The following MAGI2 variants were observed in gnomAD, a reference collection of about 807,000 sequenced individuals.
MAGI2 encodes membrane-associated guanylate kinase, WW and PDZ domain-containing protein 2.
MAGI2 carries 35 observed loss-of-function variants against 133.3 expected under a neutral mutation model. The ratio of observed to expected loss-of-function variants is 0.26; its 90% CI spans 0.20 to 0.35. The LOEUF is 0.35. Among genes scored for constraint, MAGI2 ranks in the 10% least tolerant of loss-of-function variants. MAGI2 has a pLI of 1.00. For synonymous variants in MAGI2, 729 were observed against 710.6 expected, an observed-to-expected ratio of 1.03 and a Z score of -0.41; for missense variants, 1,636 against 1,863.4, an observed-to-expected ratio of 0.88 and a Z score of 2.25.
At chr7:78,182,328 T>C (rs965026923) in intron 13 of MAGI2, among the ~76,000 whole-genome samples, 2 of 152,198 alleles carry the variant, frequency 1.3e-5, no homozygotes, top group Non-Finnish European at 2.9e-5. Context: ...GTTGCTCAAA[T>C]CTAACATTAC....
chr7:78,839,081 G>A (rs779317335), intron 2 of MAGI2, among the ~76,000 whole-genome samples: 3 of 151,990 alleles, frequency 2.0e-5, no homozygotes, highest in Non-Finnish European at 4.4e-5. Flanking sequence ...AAGGGATTTA[G>A]TGAGGGTGGA....
intron 2 of MAGI2, among the ~76,000 whole-genome samples, chr7:78,630,099 CCTTT>C (rs1808795073): frequency 1.3e-5 from 2 of 151,946 alleles, no homozygotes; most frequent in African/African-American, 2.4e-5. Flanking sequence ...CCCTGGAAGC[CCTTT>C]CTTTTTATCC....
intron 2 of MAGI2, among the ~76,000 whole-genome samples, chr7:78,818,996 A>G (rs1789848673): frequency 6.6e-6 from 1 of 152,122 alleles, no homozygotes; most frequent in African/African-American, 2.4e-5. Context: ...AATTTTTCAA[A>G]TGAGATATGG....
intron 14 of MAGI2, among the ~76,000 whole-genome samples, chr7:78,173,283 G>T (rs568416926): frequency 6.6e-5 from 10 of 152,342 alleles, no homozygotes. Context: ...ATTTCGTACA[G>T]GACATCTTCC....
At chr7:79,136,044 AGAAGGAAAGAAAGAAAGAAAGAAG>A (rs1821462713) in intron 1 of MAGI2, among the ~76,000 whole-genome samples, 1 of 136,896 alleles carries the variant, frequency 7.3e-6, no homozygotes, top group African/African-American at 3.2e-5. Context: ...AAAGAAAGAA[AGAAGGAAAGAAAGAAAGAAAGAAG>A]GAAAGAAAGA....
intron 1 of MAGI2, among the ~76,000 whole-genome samples, chr7:79,080,336 C>T (rs1407258796): frequency 6.6e-6 from 1 of 152,086 alleles, no homozygotes; most frequent in Non-Finnish European, 1.5e-5. Context: ...CTGGGCAGCT[C>T]ACTGTGTTTT....
rs770811514 is a variant in MAGI2, at chr7:78,256,593, AAAG to A, written c.1409-15_1409-13del. The A allele has an allele frequency of 3.1e-6, 5 of 1,602,778 alleles. No individual in the cohort carries two copies. The highest frequency in any genetic ancestry group is 2.3e-5 in the South Asian group (2 of 88,764). ...GACAATGACATCACCTGTAAGAAAA[AAAG>A]AGATTGACAACATGAGGTAAGTTCA... On this transcript the variant is annotated splice_polypyrimidine_tract_variant and intron_variant, in intron 9 of 21. Coordinates refer to ENST00000354212, the MANE Select transcript of MAGI2 (RefSeq NM_012301.4).
intron 3 of MAGI2, among the ~76,000 whole-genome samples, chr7:78,564,210 G>C (rs1414521429): frequency 6.6e-6 from 1 of 152,178 alleles, no homozygotes. Flanking sequence ...CTTCTGGGGA[G>C]TGAGGCTAGG....
At chr7:78,408,220 T>C (rs1797562654) in intron 6 of MAGI2, among the ~76,000 whole-genome samples, 1 of 152,002 alleles carries the variant, frequency 6.6e-6, no homozygotes, top group African/African-American at 2.4e-5. Flanking sequence ...CATTGTGGAG[T>C]GGCTAAATCG....
At chr7:78,103,793 C>T (rs1290585952) in intron 20 of MAGI2, among the ~76,000 whole-genome samples, 1 of 152,236 alleles carries the variant, frequency 6.6e-6, no homozygotes, top group African/African-American at 2.4e-5. Flanking sequence ...TTTATCGAGG[C>T]TATGAATTGA....
intron 6 of MAGI2, chr7:78,487,101 A>G (rs891252125): frequency 6.4e-6 from 2 of 311,658 alleles, no homozygotes; most frequent in African/African-American, 2.1e-5. Flanking sequence ...TGTGTATCAC[A>G]CTTAACTCAT....
At chr7:78,309,339 A>G (rs1183616491) in intron 9 of MAGI2, among the ~76,000 whole-genome samples, 1 of 152,192 alleles carries the variant, frequency 6.6e-6, no homozygotes, top group African/African-American at 2.4e-5. Context: ...CATATACACC[A>G]TGGAATACTA....
chr7:78,538,930 T>C (rs1466441571), intron 3 of MAGI2, among the ~76,000 whole-genome samples: 1 of 152,188 alleles, frequency 6.6e-6, no homozygotes, highest in African/African-American at 2.4e-5. Flanking sequence ...CTACCTCACA[T>C]CTCAATACTA....
At chr7:79,297,837 G>A (rs10254141) in intron 1 of MAGI2, among the ~76,000 whole-genome samples, 3,264 of 152,280 alleles carry the variant, frequency 0.021, 95 homozygotes, top group African/African-American at 0.075. Context: ...CAGTTTTGAA[G>A]TACTATCTCA....
At chr7:78,973,209 C>A (rs1345243225) in intron 2 of MAGI2, among the ~76,000 whole-genome samples, 1 of 151,880 alleles carries the variant, frequency 6.6e-6, no homozygotes, top group Non-Finnish European at 1.5e-5. Context: ...TTTTCCACTC[C>A]ATTTTCAAAG....
Position 79,137,918 on chromosome 7 carries a change from T to C in MAGI2, c.302-130712A>G, listed in dbSNP as rs115266425. 5.5e-3 allele frequency among the ~76,000 whole-genome samples: 832 copies of C among 152,286 alleles called. 11 individuals are homozygous for C. Among genetic ancestry groups the C allele is most frequent in the African/African-American group, 0.019 (793 of 41,562 alleles). On this transcript the variant is annotated intron_variant, in intron 1 of 21. Transcript: ENST00000354212. Reference sequence around the variant, plus strand: ...TTAAATTGAGACTCTTTAAATGGGATGATGATCATGGATTATCCTAGTGGG... The same window carrying C: ...TTAAATTGAGACTCTTTAAATGGGACGATGATCATGGATTATCCTAGTGGG...
chr7:79,151,089 G>A (rs553040704), intron 1 of MAGI2, among the ~76,000 whole-genome samples: 1 of 152,070 alleles, frequency 6.6e-6, no homozygotes, highest in South Asian at 2.1e-4. Flanking sequence ...TGCTGCTTCT[G>A]TTATTGAAAT....
intron 2 of MAGI2, among the ~76,000 whole-genome samples, chr7:78,955,732 T>TCTTTCTTCCTTTCTTTCTTC (rs1476129528): frequency 6.2e-4 from 21 of 33,708 alleles, no homozygotes; most frequent in African/African-American, 1.8e-3. Flanking sequence ...TCTCTTTCTT[T>TCTTTCTTCCTTTCTTTCTTC]CTTTCTTTCT....
At chr7:79,044,600 AGG>A (rs1257946719) in intron 1 of MAGI2, among the ~76,000 whole-genome samples, 1 of 152,046 alleles carries the variant, frequency 6.6e-6, no homozygotes, top group Non-Finnish European at 1.5e-5. Flanking sequence ...AAGAAATAAA[AGG>A]CACTCAAATA....
Sources: allele counts gnomAD v4.1 joint callset (sites outside exome capture counted in the v4.1 genomes callset), GRCh38; gene constraint gnomAD v4.1.1; transcripts MANE v1.5; gene names NCBI Gene and HGNC (gene_info 2026-07-23, HGNC 2026-07-21).